NEFH: variants seen among roughly 807,000 people sequenced by gnomAD.
NEFH encodes neurofilament heavy polypeptide.
A neutral mutation model predicts 56.6 loss-of-function variants in NEFH; 58 were observed. The observed-to-expected ratio is 1.03, with a 90% CI of 0.83 to 1.28. The LOEUF (loss-of-function observed/expected upper bound fraction) is 1.28. Ranked by LOEUF, NEFH falls within the 50% of genes most tolerant of loss-of-function variation. NEFH has a pLI of 0.00. For synonymous variants in NEFH, 542 were observed against 545.8 expected, an observed-to-expected ratio of 0.99 and a Z score of 0.10; for missense variants, 1,221 against 1,307.6, an observed-to-expected ratio of 0.93 and a Z score of 1.02.
intron 3 of NEFH, 31 bp from the exon 4 acceptor site, chr22:29,488,818 A>G (rs1011569321): frequency 2.5e-6 from 4 of 1,611,246 alleles, no homozygotes; most frequent in African/African-American, 1.3e-5. Flanking sequence ...CCCTGAGTTT[A>G]TACTAATGTG....
rs753957867 is a variant in NEFH at position 29,483,374 on chromosome 22, G to C, written c.884-1G>C. 1 of 1,613,794 alleles carries C rather than the reference G, an allele frequency of 6.2e-7. No individual in the cohort carries two copies. The highest frequency in any genetic ancestry group is 8.5e-7 in the Non-Finnish European group (1 of 1,180,002). On this transcript the variant is annotated splice_acceptor_variant, in intron 1 of 3. Coordinates refer to ENST00000310624, the MANE Select transcript of NEFH (RefSeq NM_021076.4). LOFTEE classifies it high-confidence loss of function. Reference sequence around the variant, plus strand: ...CTGTGCCCTGCTACCTTCTCCCCCAGTGAGGCTGGACCGACTGTCGGAGGC... The same window carrying C: ...CTGTGCCCTGCTACCTTCTCCCCCACTGAGGCTGGACCGACTGTCGGAGGC...
intron 1 of NEFH, 61 bp downstream of exon 1, chr22:29,481,206 G>T (rs2063007260): frequency 6.7e-7 from 1 of 1,499,578 alleles, no homozygotes; most frequent in Middle Eastern, 2.3e-4. Context: ...GAACTTTTGG[G>T]CTGCGTGACC....
At chr22:29,485,384 T>G (rs1001904677) in intron 2 of NEFH, among the ~76,000 whole-genome samples, 1 of 152,178 alleles carries the variant, frequency 6.6e-6, no homozygotes, top group Non-Finnish European at 1.5e-5. Flanking sequence ...AATACAGGCT[T>G]GAGCCACCAC....
chr22:29,485,698 G>T (rs373516936), intron 2 of NEFH, 25 bp from the exon 3 acceptor site: 8 of 1,611,188 alleles, frequency 5.0e-6, no homozygotes, highest in Non-Finnish European at 6.8e-6. Context: ...GCTGGCATGT[G>T]ATGTGTGTCA....
Position 29,489,793 on chromosome 22 carries a change from C to G in NEFH, c.2153C>G (p.Ser718Cys). 1 of 1,612,496 alleles carries G rather than the reference C, an allele frequency of 6.2e-7. No homozygotes were observed. The highest frequency in any genetic ancestry group is 8.5e-7 in the Non-Finnish European group (1 of 1,179,738). Reference sequence around the variant, plus strand: ...TCCCCAGTGAAGGAAGAAGCAAAGTCCCCTGAGAAGGCCAAGTCCCCAGTG... The same window carrying G: ...TCCCCAGTGAAGGAAGAAGCAAAGTGCCCTGAGAAGGCCAAGTCCCCAGTG... ...AKSPVKEEAK[S>C]PEKAKSPVKE... is the part of the protein sequence containing the mutation. The change falls in exon 4 of 4, where the codon TCC (serine) becomes TGC (cysteine). Residue 718 changes from serine to cysteine, a missense_variant. Around this residue, in one of 4 missense-constraint regions of NEFH, gnomAD observed 37 missense variants for 106.4 expected, o/e 0.35. Transcript: ENST00000310624.
rs201868609 is a variant in NEFH, at chr22:29,481,072, G to C, written c.810G>C (p.Ala270=). Residue 270 remains alanine (A), a synonymous_variant, in exon 1 of 4, where the codon GCG becomes GCC. Coordinates refer to ENST00000310624, the MANE Select transcript of NEFH (RefSeq NM_021076.4). ...RDALKCDVTS[A]LREIRAQLEG... ...CCCTGAAGTGCGACGTGACGTCGGC[G>C]CTGCGCGAGATTCGCGCGCAGCTTG... The C allele has an allele frequency of 1.7e-4, 268 of 1,532,096 alleles. No homozygotes were observed. The highest frequency in any genetic ancestry group is 2.3e-4 in the Non-Finnish European group (259 of 1,145,808). 94.9% of individuals were successfully genotyped at this position (1,532,096 alleles called of 1,614,324 possible).
intron 3 of NEFH, among the ~76,000 whole-genome samples, chr22:29,486,837 G>A (rs1348242008): frequency 6.6e-6 from 1 of 152,172 alleles, no homozygotes; most frequent in Non-Finnish European, 1.5e-5. Flanking sequence ...AGTCTTGAGA[G>A]TGACTTACTT....
rs1438730913 is a variant in NEFH, at chr22:29,480,389, T to G, written c.127T>G (p.Ser43Ala). ...AGGCGGGACGCGCTCCGCCGCTGGC[T>G]CCTCCAGCGGCTTCCACTCGTGGAC... ...GAGGTRSAAGSSSGFHSWTRT... is the reference protein window; with the variant it reads ...GAGGTRSAAGASSGFHSWTRT... Residue 43 changes from serine to alanine, a missense_variant, in exon 1 of 4, where the codon TCC (serine) becomes GCC (alanine). By Grantham distance (99) the Ser-to-Ala change is moderately conservative. This residue lies in a region of NEFH where 640 missense variants were observed against 555.5 expected (regional missense o/e 1.15). Transcript: ENST00000310624. 9 of 1,536,142 alleles carry G rather than the reference T, an allele frequency of 5.9e-6. No individual in the cohort carries two copies. The highest frequency in any genetic ancestry group is 7.0e-6 in the Non-Finnish European group (8 of 1,148,376).
At chr22:29,483,626 C>T (rs1185684249) in intron 2 of NEFH, 52 bp downstream of exon 2, 1 of 1,584,620 alleles carries the variant, frequency 6.3e-7, no homozygotes, top group South Asian at 1.1e-5. Flanking sequence ...TTGGGTAGCC[C>T]TGGACAAGTT....
chr22:29,481,921 C>G (rs1403353191), intron 1 of NEFH, among the ~76,000 whole-genome samples: 1 of 152,198 alleles, frequency 6.6e-6, no homozygotes, highest in Non-Finnish European at 1.5e-5. Context: ...CTTGCCCTCT[C>G]TGGTTTTCAT....
chr22:29,485,968 A>C (rs2063042238), intron 3 of NEFH, 121 bp downstream of exon 3: 3 of 1,006,240 alleles, frequency 3.0e-6, no homozygotes, highest in Non-Finnish European at 4.6e-6. Context: ...ATTCTTTTTA[A>C]ATTGCGGCAA....
chr22:29,481,888 C>CTGCA (rs1265330728), intron 1 of NEFH, among the ~76,000 whole-genome samples: 1 of 152,208 alleles, frequency 6.6e-6, no homozygotes, highest in Admixed American at 6.5e-5. Flanking sequence ...TGCCCAGCAG[C>CTGCA]TGCAGGGTGA....
Position 29,480,408 on chromosome 22 carries a change from C to A in NEFH, c.146C>A (p.Ser49Ter). The A allele has an allele frequency of 6.5e-7, 1 of 1,535,258 alleles. No individual in the cohort carries two copies. Among genetic ancestry groups the A allele is most frequent in the Non-Finnish European group, 8.7e-7 (1 of 1,147,734 alleles). Residue 49 changes from serine to a stop codon, truncating the protein, a stop_gained, in exon 1 of 4, where the codon TCG becomes TAG. Transcript: ENST00000310624. LOFTEE classifies it high-confidence loss of function. ...GCTGGCTCCTCCAGCGGCTTCCACT[C>A]GTGGACACGGACGTCCGTGAGCTCC... ...SAAGSSSGFHSWTRTSVSSVS... is the reference protein window; with the variant it reads ...SAAGSSSGFH
chr22:29,481,910 A>G (rs150729583), intron 1 of NEFH, among the ~76,000 whole-genome samples: 1 of 152,186 alleles, frequency 6.6e-6, no homozygotes, highest in African/African-American at 2.4e-5. Context: ...CTTGACCAAC[A>G]CTTGCCCTCT....
At chr22:29,484,888 G>A (rs1387713781) in intron 2 of NEFH, among the ~76,000 whole-genome samples, 1 of 151,346 alleles carries the variant, frequency 6.6e-6, no homozygotes, top group Non-Finnish European at 1.5e-5. Flanking sequence ...AAGCCAGAAT[G>A]TGACAGCGAG....
In NEFH at chr22:29,480,554, A is replaced by G; in HGVS notation, c.292A>G (p.Lys98Glu). 4 of 1,541,330 alleles carry G rather than the reference A, an allele frequency of 2.6e-6. No homozygotes were observed. Among genetic ancestry groups the G allele is most frequent in the Non-Finnish European group, 3.5e-6 (4 of 1,150,460 alleles). Residue 98 changes from lysine to glutamate, a missense_variant, in exon 1 of 4, where the codon AAG becomes GAG. Transcript: ENST00000310624. ...MVAVATSRSE[K>E]EQLQALNDRF... ...GGCGGTGGCCACCTCACGCAGTGAG[A>G]AGGAGCAGCTGCAGGCGCTGAACGA...
At position 29,490,863 on chromosome 22, in the gene NEFH, A is replaced by G. The variant is rs2063077694; in HGVS notation, c.*160A>G. ...CTTCAAACAGGAATTTCTGTTAGCA[A>G]TATGTTAGCAAGAGAGGGCACTCCC... On this transcript the variant is annotated 3_prime_UTR_variant, in exon 4 of 4. Coordinates refer to ENST00000310624, the MANE Select transcript of NEFH (RefSeq NM_021076.4). 4 of 1,431,382 alleles carry G rather than the reference A, an allele frequency of 2.8e-6. No individual in the cohort carries two copies. The highest frequency in any genetic ancestry group is 2.8e-5 in the African/African-American group (2 of 70,684). The allele number at this position is 1,431,382 out of a possible 1,614,324, so 88.7% of individuals were successfully genotyped here.
Position 29,490,904 on chromosome 22 carries a change from G to C in NEFH, c.*201G>C, listed in dbSNP as rs1061373. On this transcript the variant is annotated 3_prime_UTR_variant, in exon 4 of 4. Transcript: ENST00000310624. ...GGGCACTCCCAGGCCCCTGCCCCCAGGCCCTCCCCAGGCGATGGACAATTA... is the reference window on the plus strand; with the variant it reads ...GGGCACTCCCAGGCCCCTGCCCCCACGCCCTCCCCAGGCGATGGACAATTA... The C allele has an allele frequency of 1.0e-6, 1 of 973,584 alleles. No individual in the cohort carries two copies. Among genetic ancestry groups the C allele is most frequent in the Admixed American group, 2.3e-5 (1 of 43,486 alleles). The allele number at this position is 973,584 out of a possible 1,614,324, so 60.3% of individuals were successfully genotyped here.
intron 3 of NEFH, among the ~76,000 whole-genome samples, chr22:29,486,860 G>T (rs980830606): frequency 6.6e-6 from 1 of 152,208 alleles, no homozygotes. Context: ...ATTCTGAAAT[G>T]ATTTAGACGG....
Sources: allele counts gnomAD v4.1 joint callset (sites outside exome capture counted in the v4.1 genomes callset), GRCh38; gene constraint gnomAD v4.1.1; regional missense constraint gnomAD v4.1.1; transcripts MANE v1.5; gene names NCBI Gene and HGNC (gene_info 2026-07-23, HGNC 2026-07-21).